Variants in BTBD1 observed in about 807,000 individuals in gnomAD.
The protein encoded by BTBD1 is BTB domain containing 1.
BTBD1 carries 34 observed loss-of-function variants against 48.0 expected under a neutral mutation model. That is an observed-to-expected ratio of 0.71 (90% CI 0.54 to 0.94). The LOEUF (loss-of-function observed/expected upper bound fraction) is 0.94. Among genes scored for constraint, BTBD1 ranks in the 40% least tolerant of loss-of-function variants. The pLI is 0.00. For missense variants in BTBD1, 543 were observed against 625.6 expected (o/e 0.87, Z 1.41); for synonymous variants, 261 against 242.1 (o/e 1.08, Z -0.72).
intron 3 of BTBD1, among the ~76,000 whole-genome samples, chr15:83,049,862 A>G (rs1331436229): frequency 3.9e-5 from 6 of 152,232 alleles, no homozygotes; most frequent in Admixed American, 3.9e-4. Context: ...TTCAATGAAT[A>G]TTTATTTGAT....
chr15:83,046,328 G>C (rs1156590956), intron 3 of BTBD1, among the ~76,000 whole-genome samples: 1 of 151,998 alleles, frequency 6.6e-6, no homozygotes. Flanking sequence ...CTAGTCTATG[G>C]GGTAGAAAGA....
chr15:83,065,819 G>A (rs1276090765), intron 1 of BTBD1, among the ~76,000 whole-genome samples: 2 of 152,194 alleles, frequency 1.3e-5, no homozygotes, highest in East Asian at 1.9e-4. Context: ...TTCATTAGAT[G>A]TCAATCTACT....
At chr15:83,018,529 C>T (rs1410713071) in intron 7 of BTBD1, among the ~76,000 whole-genome samples, 178 bp downstream of exon 7, 5 of 152,356 alleles carry the variant, frequency 3.3e-5, no homozygotes, top group Admixed American at 3.3e-4. Flanking sequence ...CTATTTCTTT[C>T]AGAACAGAGC....
chr15:83,056,722 T>C (rs1448660630), intron 1 of BTBD1, among the ~76,000 whole-genome samples, 177 bp from the exon 2 acceptor site: 4 of 117,668 alleles, frequency 3.4e-5, no homozygotes, highest in African/African-American at 1.3e-4. Flanking sequence ...CATCCATCCA[T>C]CCATCCATCG....
rs754502749 is a variant in BTBD1, at chr15:83,018,837, T to G, written c.1160A>C (p.Lys387Thr). The change falls in exon 7 of 8, where the codon AAA becomes ACA. Residue 387 changes from lysine (K) to threonine (T), a missense_variant. Physicochemically the swap from Lys to Thr is moderately conservative, Grantham distance 78 (BLOSUM62 -1). Transcript: ENST00000261721. The stretch of plus-strand genomic sequence containing the variant: ...ATCATTCTGTCCCAGGGTTTGCTTT[T>G]TCTCATATTCAATGATCTGTAATTT... The part of the protein sequence containing the change: ...QVNIQIIEYE[K>T]KQTLGQNDTG... 6.2e-7 allele frequency: 1 copy of G among 1,612,988 alleles called. No individual in the cohort carries two copies. Among genetic ancestry groups the G allele is most frequent in the South Asian group, 1.1e-5 (1 of 90,752 alleles).
intron 1 of BTBD1, among the ~76,000 whole-genome samples, chr15:83,063,820 G>T (rs778194085): frequency 1.3e-5 from 2 of 152,162 alleles, no homozygotes; most frequent in East Asian, 1.9e-4. Flanking sequence ...ACTTAGTGCC[G>T]AAAACAATGC....
At position 83,067,050 on chromosome 15, in the gene BTBD1, C is replaced by T. The variant is rs761018481; in HGVS notation, c.102G>A (p.Leu34=). 5.7e-6 allele frequency: 9 copies of T among 1,579,024 alleles called. No homozygotes were observed. Among genetic ancestry groups the T allele is most frequent in the Non-Finnish European group, 1.7e-6 (2 of 1,165,328 alleles). Residue 34 remains leucine, a synonymous_variant, in exon 1 of 8, where the codon CTG becomes CTA. Coordinates refer to ENST00000261721, the MANE Select transcript of BTBD1 (RefSeq NM_025238.4). ...GPPPPPSPSS[L]GPLLPLQREP... ...CCCGCTGCAGGGGGAGCAGGGGCCCCAGAGAGGACGGTGAGGGCGGCGGCG... is the reference window on the plus strand; with the variant it reads ...CCCGCTGCAGGGGGAGCAGGGGCCCTAGAGAGGACGGTGAGGGCGGCGGCG...
chr15:83,036,940 T>G (rs1052465341), intron 4 of BTBD1, among the ~76,000 whole-genome samples: 1 of 152,168 alleles, frequency 6.6e-6, no homozygotes, highest in Non-Finnish European at 1.5e-5. Context: ...GACAAAGGCT[T>G]CTGGGGTACT....
Position 83,066,741 on chromosome 15 carries a change from T to A in BTBD1, c.401+10A>T, listed in dbSNP as rs1173420752. On this transcript the variant is annotated intron_variant, in intron 1 of 7. Transcript: ENST00000261721. Reference sequence around the variant, plus strand: ...CGGCCCGGCCCGGCCCGGCCCGCGCTGCCGCTCACCTCAGCAGCGCCAGGA... The same window carrying A: ...CGGCCCGGCCCGGCCCGGCCCGCGCAGCCGCTCACCTCAGCAGCGCCAGGA... 91 of 1,319,272 alleles carry A rather than the reference T, an allele frequency of 6.9e-5. No individual in the cohort carries two copies. Among genetic ancestry groups the A allele is most frequent in the Non-Finnish European group, 8.1e-5 (84 of 1,040,446 alleles). 81.7% of individuals were successfully genotyped at this position (1,319,272 alleles called of 1,614,324 possible). A position where few individuals can be genotyped will look rare whatever the true frequency, so the allele number is the denominator to read the frequency against.
chr15:83,044,346 TGCCC>T, intron 3 of BTBD1: 9 of 1,413,240 alleles, frequency 6.4e-6, no homozygotes, highest in African/African-American at 1.4e-5. Flanking sequence ...CTGCTCTGCA[TGCCC>T]GCCCGCCCGT....
chr15:83,059,861 G>A (rs893190995), intron 1 of BTBD1, among the ~76,000 whole-genome samples: 1 of 152,128 alleles, frequency 6.6e-6, no homozygotes, highest in African/African-American at 2.4e-5. Context: ...CCAAGTGCTG[G>A]GATTATAGGC....
At chr15:83,018,303 AT>A (rs1196532627) in intron 7 of BTBD1, 78 bp from the exon 8 acceptor site, 2 of 1,149,052 alleles carry the variant, frequency 1.7e-6, no homozygotes. Flanking sequence ...AATTAGATTA[AT>A]GTTCCATTAT....
intron 1 of BTBD1, among the ~76,000 whole-genome samples, chr15:83,059,329 T>G (rs1169931855): frequency 6.6e-6 from 1 of 152,124 alleles, no homozygotes; most frequent in Non-Finnish European, 1.5e-5. Flanking sequence ...GTGGATCACC[T>G]GAGGTCAGGA....
intron 1 of BTBD1, among the ~76,000 whole-genome samples, chr15:83,062,935 A>T (rs543499973): frequency 2.2e-4 from 34 of 152,170 alleles, no homozygotes; most frequent in Admixed American, 2.0e-3. Flanking sequence ...AACCTACTCT[A>T]ATCAGCTGAA....
intron 7 of BTBD1, among the ~76,000 whole-genome samples, chr15:83,018,432 T>C (rs569967456): frequency 8.5e-5 from 13 of 152,334 alleles, no homozygotes; most frequent in South Asian, 4.1e-4. Context: ...TATTAGAGAA[T>C]AGTGAAAAGA....
At chr15:83,052,008 G>A (rs2032996606) in intron 2 of BTBD1, among the ~76,000 whole-genome samples, 1 of 151,980 alleles carries the variant, frequency 6.6e-6, no homozygotes, top group South Asian at 2.1e-4. Context: ...CTAGGCTGGA[G>A]TGCAGTGGCA....
chr15:83,026,627 A>T (rs575741006), intron 5 of BTBD1, among the ~76,000 whole-genome samples: 12 of 148,720 alleles, frequency 8.1e-5, no homozygotes, highest in Non-Finnish European at 1.6e-4. Context: ...GGTTCAAGCA[A>T]TTCTCCTGCC....
chr15:83,062,028 C>G (rs1882066460), intron 1 of BTBD1, among the ~76,000 whole-genome samples: 1 of 151,852 alleles, frequency 6.6e-6, no homozygotes, highest in South Asian at 2.1e-4. Context: ...CTGAGGAGTA[C>G]AAAGGTAAGG....
intron 1 of BTBD1, chr15:83,061,734 G>A (rs577006908): frequency 1.3e-5 from 2 of 152,246 alleles, no homozygotes; most frequent in Non-Finnish European, 2.9e-5. Flanking sequence ...TAAACCTCCA[G>A]ATGAGTCCAA....
Sources: gnomAD v4.1 joint callset for allele counts (sites outside exome capture counted in the v4.1 genomes callset) on GRCh38, gnomAD v4.1.1 for gene constraint, MANE v1.5 for transcripts, NCBI Gene and HGNC (gene_info 2026-07-23, HGNC 2026-07-21) for gene names.